Variants in CYB5RL observed in about 807,000 individuals in gnomAD.
The protein encoded by CYB5RL is cytochrome b5 reductase like.
CYB5RL carries 38 observed loss-of-function variants against 37.5 expected under a neutral mutation model. The ratio of observed to expected loss-of-function variants is 1.01; its 90% confidence interval spans 0.78 to 1.33. The LOEUF is 1.33. CYB5RL is among the 40% of genes most tolerant of loss of function. The probability of loss-of-function intolerance (pLI) is 0.00; values close to 1 mark genes in which losing one functional copy is unlikely to be tolerated. For missense variants in CYB5RL, 388 were observed against 394.4 expected, an observed-to-expected ratio of 0.98 and a Z score of 0.14; for synonymous variants, 141 against 151.9, an observed-to-expected ratio of 0.93 and a Z score of 0.53.
In CYB5RL at chr1:54,170,990, G is replaced by A. The variant is rs1306700307; in HGVS notation, c.*3629C>T. ...AGGTATTCGACATCCAGGAAGTGCT[G>A]AGCATCCTCCCCTGTTAGGGGTACA... On this transcript the variant is annotated 3_prime_UTR_variant, in exon 8 of 8. Coordinates refer to ENST00000534324, the MANE Select transcript of CYB5RL (RefSeq NM_001031672.4). 4 of 373,180 alleles carry A rather than the reference G, an allele frequency of 1.1e-5. No individual in the cohort carries two copies. The highest frequency in any genetic ancestry group is 8.3e-4 in the Middle Eastern group (1 of 1,212). The allele number at this position is 373,180 out of a possible 1,614,324, so 23.1% of individuals were successfully genotyped here.
chr1:54,190,711 G>A, intron 4 of CYB5RL, 37 bp downstream of exon 4: 1 of 1,551,240 alleles, frequency 6.4e-7, no homozygotes, highest in Non-Finnish European at 8.7e-7. Context: ...GCAAAGCAGG[G>A]CTGTGAAGCT....
At chr1:54,183,703 C>T (rs529451460) in intron 6 of CYB5RL, among the ~76,000 whole-genome samples, 10 of 152,250 alleles carry the variant, frequency 6.6e-5, no homozygotes, top group South Asian at 2.1e-4. Context: ...TGGCTGGGCG[C>T]GGTGGCTCAC....
chr1:54,178,642 C>T (rs1438855436), intron 7 of CYB5RL, among the ~76,000 whole-genome samples: 1 of 152,186 alleles, frequency 6.6e-6, no homozygotes, highest in Non-Finnish European at 1.5e-5. Context: ...GCACAGGGAA[C>T]TCAGATCAGT....
At chr1:54,197,317 CTTT>C (rs766084507) in intron 1 of CYB5RL, among the ~76,000 whole-genome samples, 2 of 124,054 alleles carry the variant, frequency 1.6e-5, no homozygotes, top group Non-Finnish European at 1.6e-5. Context: ...CTTTTCTTTT[CTTT>C]TTTTTTTTTT....
Position 54,171,696 on chromosome 1 carries a change from C to A in CYB5RL, c.*2923G>T. 1 of 340,112 alleles carries A rather than the reference C, an allele frequency of 2.9e-6. No individual in the cohort carries two copies. The highest frequency in any genetic ancestry group is 2.4e-5 in the South Asian group (1 of 42,332). The allele number at this position is 340,112 out of a possible 1,614,324, so 21.1% of individuals were successfully genotyped here. A position where few individuals can be genotyped will look rare whatever the true frequency, so the allele number is the denominator to read the frequency against. ...TGTCTAGCTCCTAAGTCTCCCTTCTCCTACTACAACATCACACGGTGGCCA... is the reference window on the plus strand; with the variant it reads ...TGTCTAGCTCCTAAGTCTCCCTTCTACTACTACAACATCACACGGTGGCCA... On this transcript the variant is annotated 3_prime_UTR_variant, in exon 8 of 8. Transcript: ENST00000534324.
At chr1:54,193,963 C>G (rs1643980477) in intron 3 of CYB5RL, among the ~76,000 whole-genome samples, 1 of 149,836 alleles carries the variant, frequency 6.7e-6, no homozygotes, top group East Asian at 2.0e-4. Context: ...GAGTGAGACT[C>G]TGCCTCAATA....
intron 2 of CYB5RL, 116 bp from the exon 3 acceptor site, chr1:54,195,831 G>T: frequency 2.2e-6 from 1 of 463,698 alleles, no homozygotes; most frequent in Non-Finnish European, 3.8e-6. Flanking sequence ...GATCAGCCAA[G>T]GAGTGTGCTG....
chr1:54,173,517 G>C lies in CYB5RL; in HGVS notation c.*1102C>G, dbSNP rs1228155616. The C allele has an allele frequency of 6.6e-6, 1 of 152,262 alleles. No homozygotes were observed. The highest frequency in any genetic ancestry group is 1.9e-4 in the East Asian group (1 of 5,200). 9.4% of individuals were successfully genotyped at this position (152,262 alleles called of 1,614,324 possible). ...AGTCATTTAGTCTCACTGGGCTTCAGTTTCCCGTGTATACGATAAGTCTGT... is the reference window on the plus strand; with the variant it reads ...AGTCATTTAGTCTCACTGGGCTTCACTTTCCCGTGTATACGATAAGTCTGT... On this transcript the variant is annotated 3_prime_UTR_variant, in exon 8 of 8. Transcript: ENST00000534324.
chr1:54,198,779 G>A (rs540536766), intron 1 of CYB5RL, among the ~76,000 whole-genome samples: 11 of 151,842 alleles, frequency 7.2e-5, no homozygotes, highest in Admixed American at 2.6e-4. Context: ...CTATAGGTGC[G>A]TGCCATCACG....
intron 6 of CYB5RL, among the ~76,000 whole-genome samples, chr1:54,181,540 C>A (rs532372945): frequency 4.6e-5 from 7 of 152,246 alleles, no homozygotes; most frequent in Non-Finnish European, 1.0e-4. Context: ...AGGGCAGGAG[C>A]TTCCCAGACA....
rs140163591 is a variant in CYB5RL at position 54,195,051 on chromosome 1, A to G, written c.198+368T>C. 3.0e-3 allele frequency among the ~76,000 whole-genome samples: 451 copies of G among 152,364 alleles called. 1 individual carries two copies. The highest frequency in any genetic ancestry group is 0.01 in the Middle Eastern group (3 of 294). Reference sequence around the variant, plus strand: ...GAATAAACTATAGCTAGTTTAGTCCATAAGGACAAGGACTGTGTCTGTCAT... The same window carrying G: ...GAATAAACTATAGCTAGTTTAGTCCGTAAGGACAAGGACTGTGTCTGTCAT... On this transcript the variant is annotated intron_variant, in intron 3 of 7. Coordinates refer to ENST00000534324, the MANE Select transcript of CYB5RL (RefSeq NM_001031672.4).
Position 54,173,174 on chromosome 1 carries a change from G to A in CYB5RL, c.*1445C>T, listed in dbSNP as rs1280877532. On this transcript the variant is annotated 3_prime_UTR_variant, in exon 8 of 8. Coordinates refer to ENST00000534324, the MANE Select transcript of CYB5RL (RefSeq NM_001031672.4). ...CTGAAACCTCCAGCACCACCCCCCA[G>A]CTATGTGTCACAATTATTTATTAAA... is the stretch of plus-strand genomic sequence containing the variant. The A allele has an allele frequency of 6.6e-6, 1 of 152,176 alleles. No individual in the cohort carries two copies. The highest frequency in any genetic ancestry group is 1.5e-5 in the Non-Finnish European group (1 of 68,034). 9.4% of individuals were successfully genotyped at this position (152,176 alleles called of 1,614,324 possible).
chr1:54,192,098 G>A (rs1643959166), intron 3 of CYB5RL, among the ~76,000 whole-genome samples: 1 of 151,642 alleles, frequency 6.6e-6, no homozygotes, highest in Non-Finnish European at 1.5e-5. Flanking sequence ...TATTATTATT[G>A]CTTCATTAAA....
chr1:54,195,271 G>T, intron 3 of CYB5RL, 148 bp downstream of exon 3: 2 of 951,356 alleles, frequency 2.1e-6, no homozygotes, highest in Non-Finnish European at 2.9e-6. Context: ...TCAGGGCTGG[G>T]CTTTGAGCCT....
chr1:54,186,439 G>A (rs1021543691), intron 5 of CYB5RL, among the ~76,000 whole-genome samples: 1 of 152,198 alleles, frequency 6.6e-6, no homozygotes, highest in South Asian at 2.1e-4. Flanking sequence ...AGGGTCAAAC[G>A]ATAAGCCCTG....
chr1:54,171,231 C>T lies in CYB5RL; in HGVS notation c.*3388G>A, dbSNP rs943579701. On this transcript the variant is annotated 3_prime_UTR_variant, in exon 8 of 8. Transcript: ENST00000534324. The stretch of plus-strand genomic sequence containing the variant: ...GAGGCTGGCCAGGCAGAGGAAGCAG[C>T]GAGTGTAAGGGATGAGCTGACGCAA... The T allele has an allele frequency of 2.0e-5, 9 of 455,772 alleles. No individual in the cohort carries two copies. The East Asian group carries it at 2.1e-4, about 11-fold the overall frequency. 28.2% of individuals were successfully genotyped at this position (455,772 alleles called of 1,614,324 possible).
At chr1:54,194,751 A>G (rs183012328) in intron 3 of CYB5RL, among the ~76,000 whole-genome samples, 176 of 152,356 alleles carry the variant, frequency 1.2e-3, no homozygotes, top group African/African-American at 4.1e-3. Context: ...GAAAATGGGA[A>G]GACTGTTCAG....
At position 54,171,463 on chromosome 1, in the gene CYB5RL, G is replaced by A. The variant is rs556229197; in HGVS notation, c.*3156C>T. The stretch of plus-strand genomic sequence containing the variant: ...AGGTGGCATGGAGACTGGGAGCTGG[G>A]AGACCCATGAGGGGAACACAGAAGT... On this transcript the variant is annotated 3_prime_UTR_variant, in exon 8 of 8. Coordinates refer to ENST00000534324, the MANE Select transcript of CYB5RL (RefSeq NM_001031672.4). The A allele has an allele frequency of 6.6e-6, 3 of 455,926 alleles. No homozygotes were observed. Among genetic ancestry groups the A allele is most frequent in the South Asian group, 4.6e-5 (3 of 64,530 alleles). 28.2% of individuals were successfully genotyped at this position (455,926 alleles called of 1,614,324 possible).
At chr1:54,183,843 C>T (rs866224283) in intron 6 of CYB5RL, among the ~76,000 whole-genome samples, 15 of 152,074 alleles carry the variant, frequency 9.9e-5, no homozygotes, top group South Asian at 6.2e-4. Context: ...GGTGTGGTGG[C>T]ACATGCCTGT....
Sources: allele counts gnomAD v4.1 joint callset (sites outside exome capture counted in the v4.1 genomes callset), GRCh38; gene constraint gnomAD v4.1.1; transcripts MANE v1.5; gene names NCBI Gene and HGNC (gene_info 2026-07-23, HGNC 2026-07-21).